The following ITPR2 variants were observed in gnomAD, a reference collection of about 807,000 sequenced individuals.
ITPR2 encodes inositol 1,4,5-trisphosphate-gated calcium channel ITPR2.
ITPR2 carries 207 observed loss-of-function variants against 317.1 expected under a neutral mutation model. The ratio of observed to expected loss-of-function variants is 0.65; its 90% CI spans 0.58 to 0.73. The LOEUF (loss-of-function observed/expected upper bound fraction) is 0.73. Ranked by LOEUF, ITPR2 falls within the 30% of genes least tolerant of loss-of-function variation. ITPR2 has a pLI of 0.00. For synonymous variants in ITPR2, 1,156 were observed against 1,149.1 expected (o/e 1.01, Z -0.12); for missense variants, 2,613 against 3,284.0 (o/e 0.80, Z 4.99).
chr12:26,566,287 GGAGGA>G (rs1458351730), intron 34 of ITPR2, among the ~76,000 whole-genome samples: 2 of 132,840 alleles, frequency 1.5e-5, no homozygotes, highest in South Asian at 2.8e-4. Flanking sequence ...AGAGGAGAAG[GGAGGA>G]GAGGAGAGGG....
chr12:26,544,597 G>GACAGACAGACACACAC (rs1944344433), intron 37 of ITPR2, among the ~76,000 whole-genome samples: 1 of 74,660 alleles, frequency 1.3e-5, no homozygotes, highest in African/African-American at 3.0e-5. Flanking sequence ...AACACACAGA[G>GACAGACAGACACACAC]ACACACAGAC....
intron 31 of ITPR2, 25 bp downstream of exon 31, chr12:26,596,858 G>A (rs767000829): frequency 1.3e-6 from 2 of 1,510,504 alleles, no homozygotes; most frequent in Admixed American, 4.6e-5. Flanking sequence ...TTCTATTAGA[G>A]CTGCTAAGCT....
chr12:26,457,952 TAAC>T (rs1941931111), intron 45 of ITPR2, among the ~76,000 whole-genome samples: 2 of 152,154 alleles, frequency 1.3e-5, no homozygotes, highest in East Asian at 1.9e-4. Flanking sequence ...TGAACTAAAA[TAAC>T]AGAAAAAAAT....
At chr12:26,679,895 T>C (rs1164842526) in intron 13 of ITPR2, among the ~76,000 whole-genome samples, 1 of 152,032 alleles carries the variant, frequency 6.6e-6, no homozygotes. Flanking sequence ...ACAGTTTGAT[T>C]TAAATATAGA....
intron 54 of ITPR2, among the ~76,000 whole-genome samples, chr12:26,390,494 G>A (rs1939799832): frequency 6.6e-6 from 1 of 152,098 alleles, no homozygotes; most frequent in Non-Finnish European, 1.5e-5. Context: ...AAAGAAGCTA[G>A]GTGCAAAAGC....
At chr12:26,423,370 T>G (rs992778276) in intron 49 of ITPR2, among the ~76,000 whole-genome samples, 3 of 152,136 alleles carry the variant, frequency 2.0e-5, no homozygotes, top group Non-Finnish European at 2.9e-5. Flanking sequence ...CCTATTAAAT[T>G]TGAACACAGT....
intron 52 of ITPR2, chr12:26,400,914 T>C (rs1940157286): frequency 6.6e-6 from 1 of 152,312 alleles, no homozygotes; most frequent in East Asian, 1.9e-4. Flanking sequence ...GGGGTTACAC[T>C]CTTCAGAGGG....
At chr12:26,544,191 T>A (rs1290300380) in intron 37 of ITPR2, among the ~76,000 whole-genome samples, 2 of 152,186 alleles carry the variant, frequency 1.3e-5, no homozygotes, top group East Asian at 3.8e-4. Context: ...AATTTTCCTT[T>A]ATTTATTTTA....
intron 23 of ITPR2, among the ~76,000 whole-genome samples, chr12:26,624,766 C>T (rs1417586678): frequency 3.3e-5 from 4 of 122,798 alleles, no homozygotes; most frequent in African/African-American, 1.3e-4. Flanking sequence ...AGAACAGTTT[C>T]GAGGTTTCTC....
intron 20 of ITPR2, 38 bp downstream of exon 20, chr12:26,655,670 G>A (rs758844188): frequency 3.3e-6 from 5 of 1,530,032 alleles, no homozygotes; most frequent in Non-Finnish European, 2.7e-6. Flanking sequence ...AAACTACCCA[G>A]TTACCAAAAC....
At position 26,594,985 on chromosome 12, in the gene ITPR2, G is replaced by A. The variant is rs139552794; in HGVS notation, c.4380+480C>T. ...GAAAATGCCAGATGATTAAATTACT[G>A]GAGTACACTTCCAAAGAAGATTTTG... On this transcript the variant is annotated intron_variant, in intron 32 of 56. Coordinates refer to ENST00000381340, the MANE Select transcript of ITPR2 (RefSeq NM_002223.4). 7.8e-3 allele frequency among the ~76,000 whole-genome samples: 1,193 copies of A among 152,248 alleles called. 8 individuals are homozygous for A. Among genetic ancestry groups the A allele is most frequent in the African/African-American group, 0.027 (1,125 of 41,540 alleles).
intron 26 of ITPR2, 39 bp downstream of exon 26, chr12:26,621,084 C>T: frequency 6.5e-7 from 1 of 1,548,608 alleles, no homozygotes; most frequent in South Asian, 1.2e-5. Flanking sequence ...ACTTAAAAGA[C>T]ATCATTGGGA....
At chr12:26,793,309 C>T (rs1403420681) in intron 1 of ITPR2, among the ~76,000 whole-genome samples, 2 of 152,252 alleles carry the variant, frequency 1.3e-5, no homozygotes, top group East Asian at 1.9e-4. Flanking sequence ...CCCATTTTAA[C>T]CACTCATGAT....
intron 1 of ITPR2, 77 bp from the exon 2 acceptor site, chr12:26,790,304 T>A: frequency 9.0e-7 from 1 of 1,116,904 alleles, no homozygotes; most frequent in Non-Finnish European, 1.4e-6. Context: ...GGATATTGCA[T>A]AAATATTTAC....
chr12:26,701,659 G>T (rs1044981358), intron 9 of ITPR2, among the ~76,000 whole-genome samples: 1 of 152,118 alleles, frequency 6.6e-6, no homozygotes. Context: ...ACATTTGAGA[G>T]AGAACTAAAC....
At chr12:26,435,551 AT>A (rs1272157287) in intron 48 of ITPR2, among the ~76,000 whole-genome samples, 1 of 152,158 alleles carries the variant, frequency 6.6e-6, no homozygotes, top group African/African-American at 2.4e-5. Context: ...CACCAAACTT[AT>A]ACAAAACTTA....
At chr12:26,758,141 T>A (rs1474537266) in intron 2 of ITPR2, among the ~76,000 whole-genome samples, 1 of 152,158 alleles carries the variant, frequency 6.6e-6, no homozygotes, top group Non-Finnish European at 1.5e-5. Flanking sequence ...GTCAGTGTCA[T>A]CCCCATCCCC....
At chr12:26,346,195 C>T (rs141548450) in intron 55 of ITPR2, among the ~76,000 whole-genome samples, 2 of 152,334 alleles carry the variant, frequency 1.3e-5, no homozygotes, top group African/African-American at 4.8e-5. Context: ...GGCTCACACA[C>T]CATGTCAACC....
intron 49 of ITPR2, among the ~76,000 whole-genome samples, chr12:26,424,615 A>T (rs1592010985): frequency 2.2e-5 from 2 of 90,894 alleles, no homozygotes; most frequent in African/African-American, 4.2e-5. Context: ...TTTGAGATGG[A>T]GTCTCGCTCT....
Sources: gnomAD v4.1 joint callset for allele counts (sites outside exome capture counted in the v4.1 genomes callset) on GRCh38, gnomAD v4.1.1 for gene constraint, MANE v1.5 for transcripts, NCBI Gene and HGNC (gene_info 2026-07-23, HGNC 2026-07-21) for gene names.